GABBR2: variants seen among roughly 807,000 people sequenced by gnomAD.
GABBR2 encodes G-protein coupled receptor 51.
In GABBR2, 23 loss-of-function variants were observed where a neutral mutation model predicts 105.6. That is an observed-to-expected ratio of 0.22 (90% CI 0.16 to 0.31). The LOEUF (loss-of-function observed/expected upper bound fraction) is 0.31. GABBR2 is among the 10% of genes least tolerant of loss of function. The pLI, the probability that GABBR2 is intolerant of heterozygous loss-of-function variation, is 1.00. For synonymous variants in GABBR2, 478 were observed against 499.7 expected (o/e 0.96, Z 0.58); for missense variants, 734 against 1,245.5 (o/e 0.59, Z 6.18).
intron 2 of GABBR2, among the ~76,000 whole-genome samples, chr9:98,576,904 T>TTGGATGGATGGATGGATGGA (rs71369567): frequency 5.0e-5 from 5 of 99,608 alleles, no homozygotes; most frequent in East Asian, 3.7e-4. Context: ...AAAATATTTG[T>TTGGATGGATGGATGGATGGA]TGGATGGATG....
intron 7 of GABBR2, among the ~76,000 whole-genome samples, chr9:98,442,416 G>A (rs1280964519): frequency 1.3e-5 from 2 of 152,224 alleles, no homozygotes; most frequent in African/African-American, 4.8e-5. Context: ...TATAGGTGTA[G>A]GATAATGGTT....
Position 98,288,199 on chromosome 9 carries a change from G to A in GABBR2, c.*2385C>T, listed in dbSNP as rs1830229193. The A allele has an allele frequency of 6.6e-6, 1 of 152,660 alleles. No individual in the cohort carries two copies. The highest frequency in any genetic ancestry group is 2.4e-5 in the African/African-American group (1 of 41,456). 9.5% of individuals were successfully genotyped at this position (152,660 alleles called of 1,614,324 possible). A position where few individuals can be genotyped will look rare whatever the true frequency, so the allele number is the denominator to read the frequency against. ...TCCTCATTTACATTTGATTCTGGCA[G>A]TTCCAGTCTAATTTAAAGCGTTTTG... On this transcript the variant is annotated 3_prime_UTR_variant, in exon 19 of 19. Transcript: ENST00000259455.
intron 8 of GABBR2, 75 bp downstream of exon 8, chr9:98,406,006 G>A (rs1832482828): frequency 1.2e-6 from 1 of 830,112 alleles, no homozygotes; most frequent in Non-Finnish European, 2.1e-6. Flanking sequence ...TCCTTTTGAT[G>A]TATTATATTG....
At position 98,290,553 on chromosome 9, in the gene GABBR2, G is replaced by A. The variant is rs182433099; in HGVS notation, c.*31C>T. 123 of 1,334,912 alleles carry A rather than the reference G, an allele frequency of 9.2e-5. No individual in the cohort carries two copies. The highest frequency in any genetic ancestry group is 6.6e-4 in the African/African-American group (44 of 66,180). 82.7% of individuals were successfully genotyped at this position (1,334,912 alleles called of 1,614,324 possible). ...CCTCTGCCCAGTGTGGTTCTGTCACGGGGGAGGCCCCGGGCCCAGGCCTCC... is the reference window on the plus strand; with the variant it reads ...CCTCTGCCCAGTGTGGTTCTGTCACAGGGGAGGCCCCGGGCCCAGGCCTCC... On this transcript the variant is annotated 3_prime_UTR_variant, in exon 19 of 19. Coordinates refer to ENST00000259455, the MANE Select transcript of GABBR2 (RefSeq NM_005458.8).
intron 13 of GABBR2, among the ~76,000 whole-genome samples, chr9:98,360,133 AAAGGTCTTTCATCATCTCTCCCCC>A (rs1831557468): frequency 6.6e-6 from 1 of 152,130 alleles, no homozygotes. Context: ...GATGGGCCAC[AAAGGTCTTTCATCATCTCTCCCCC>A]AAGCCTAGGC....
chr9:98,560,071 C>T (rs1009874947), intron 2 of GABBR2, among the ~76,000 whole-genome samples: 1 of 151,636 alleles, frequency 6.6e-6, no homozygotes, highest in Non-Finnish European at 1.5e-5. Context: ...ACAATGGTCA[C>T]ATTATATAAG....
At chr9:98,290,906 C>T (rs1788344608) in intron 18 of GABBR2, among the ~76,000 whole-genome samples, 157 bp from the exon 19 acceptor site, 1 of 152,156 alleles carries the variant, frequency 6.6e-6, no homozygotes. Context: ...TTCAGCAATC[C>T]AGCAGGTATT....
At chr9:98,626,569 T>C (rs951009916) in intron 1 of GABBR2, among the ~76,000 whole-genome samples, 2 of 152,162 alleles carry the variant, frequency 1.3e-5, no homozygotes, top group Non-Finnish European at 2.9e-5. Flanking sequence ...GTCACTTAAC[T>C]CCATGCCTCA....
intron 1 of GABBR2, among the ~76,000 whole-genome samples, chr9:98,637,590 C>T (rs186086769): frequency 2.4e-4 from 36 of 152,042 alleles, no homozygotes; most frequent in Admixed American, 2.3e-3. Context: ...AAAAGTGGAA[C>T]AGGGAGGCAG....
intron 1 of GABBR2, among the ~76,000 whole-genome samples, chr9:98,665,407 G>A (rs1830321213): frequency 6.6e-6 from 1 of 152,144 alleles, no homozygotes; most frequent in African/African-American, 2.4e-5. Context: ...TCATACTTGG[G>A]AATACTGTTC....
intron 1 of GABBR2, among the ~76,000 whole-genome samples, chr9:98,616,099 A>T (rs1201802638): frequency 1.3e-5 from 2 of 152,258 alleles, no homozygotes; most frequent in Non-Finnish European, 2.9e-5. Context: ...GAGAGGTTAA[A>T]TGACTTAGCA....
intron 8 of GABBR2, among the ~76,000 whole-genome samples, chr9:98,402,881 T>C (rs894523259): frequency 6.6e-6 from 1 of 152,164 alleles, no homozygotes; most frequent in South Asian, 2.1e-4. Context: ...TGAAACCCTT[T>C]ACATTTGGAA....
rs1019993431 is a variant in GABBR2, at chr9:98,362,744, G to T, written c.1864C>A (p.Arg622=). The change falls in exon 13 of 19, where the codon CGA becomes AGA. Residue 622 remains arginine, a synonymous_variant. Transcript: ENST00000259455. ...LICWQAVDPL[R]RTVEKYSMEP... is the part of the protein sequence containing the mutation. ...ATGCTGTACTTCTCCACTGTCCTTC[G>T]CAGGGGGTCCACAGCCTGCCAGCAG... The T allele has an allele frequency of 6.2e-6, 10 of 1,600,800 alleles. No homozygotes were observed. Among genetic ancestry groups the T allele is most frequent in the African/African-American group, 2.7e-5 (2 of 74,174 alleles).
chr9:98,352,438 G>A (rs183017519), intron 13 of GABBR2, among the ~76,000 whole-genome samples: 9 of 152,270 alleles, frequency 5.9e-5, no homozygotes, highest in African/African-American at 2.4e-5. Context: ...CTGGAGGGCT[G>A]GGAAGGCCAG....
At chr9:98,608,175 C>G (rs994281909) in intron 1 of GABBR2, 20 of 1,086,290 alleles carry the variant, frequency 1.8e-5, no homozygotes, top group Admixed American at 1.7e-4. Flanking sequence ...TGCCAATATG[C>G]CAGCTTGGAC....
chr9:98,676,818 C>A (rs1322085872), intron 1 of GABBR2, among the ~76,000 whole-genome samples: 1 of 152,162 alleles, frequency 6.6e-6, no homozygotes, highest in African/African-American at 2.4e-5. Flanking sequence ...TATTTTTGAG[C>A]CTCTTTTTTA....
At chr9:98,387,929 T>C (rs986950840) in intron 10 of GABBR2, among the ~76,000 whole-genome samples, 3 of 152,216 alleles carry the variant, frequency 2.0e-5, no homozygotes, top group Non-Finnish European at 2.9e-5. Context: ...ATCAGACTTG[T>C]TCCCGACAGC....
In GABBR2 at chr9:98,604,361, C is replaced by T. The variant is rs551097916; in HGVS notation, c.322-26289G>A. Among the ~76,000 whole-genome samples the T allele has an allele frequency of 2.0e-5, 3 of 152,348 alleles. No individual in the cohort carries two copies. The South Asian group carries it at 6.2e-4, about 32-fold the overall frequency. ...CCATGCAGCTCTATGGAGTCACAGA[C>T]TGCAGGTTCACCGAAGTTCTCAGTG... is the stretch of plus-strand genomic sequence containing the variant. On this transcript the variant is annotated intron_variant, in intron 1 of 18. Transcript: ENST00000259455.
chr9:98,697,177 C>T (rs957757291), intron 1 of GABBR2, among the ~76,000 whole-genome samples: 1 of 152,134 alleles, frequency 6.6e-6, no homozygotes, highest in African/African-American at 2.4e-5. Context: ...CTCTAAGCCT[C>T]ATCTGTAAAA....
Sources: allele counts gnomAD v4.1 joint callset (sites outside exome capture counted in the v4.1 genomes callset), GRCh38; gene constraint gnomAD v4.1.1; transcripts MANE v1.5; gene names NCBI Gene and HGNC (gene_info 2026-07-23, HGNC 2026-07-21).